Variants in CWF19L2 observed in about 807,000 individuals in gnomAD.
CWF19L2 encodes the protein CWF19-like protein 2.
In CWF19L2, 98 loss-of-function variants were observed where a neutral mutation model predicts 111.7. The observed-to-expected ratio is 0.88, with a 90% CI of 0.75 to 1.04. The LOEUF (loss-of-function observed/expected upper bound fraction) is 1.04. CWF19L2 is among the 50% of genes least tolerant of loss of function. The pLI, the probability that CWF19L2 is intolerant of heterozygous loss-of-function variation, is 0.00. For missense variants in CWF19L2, 1,101 were observed against 1,051.4 expected (o/e 1.05, Z -0.65); for synonymous variants, 351 against 342.9 (o/e 1.02, Z -0.26).
At chr11:107,394,106 A>G (rs1860887831) in intron 10 of CWF19L2, among the ~76,000 whole-genome samples, 1 of 152,208 alleles carries the variant, frequency 6.6e-6, no homozygotes. Flanking sequence ...AAATATTCAC[A>G]TTATAGTTTT....
rs536217905 is a variant in CWF19L2, at chr11:107,362,415, A to G, written c.1873-8679T>C. Among the ~76,000 whole-genome samples, 125 of 152,112 alleles carry G rather than the reference A, an allele frequency of 8.2e-4. 2 individuals carry two copies. In the Middle Eastern group the frequency reaches 0.031, roughly 37 times the overall value. On this transcript the variant is annotated intron_variant, in intron 12 of 17. Coordinates refer to ENST00000282251, the MANE Select transcript of CWF19L2 (RefSeq NM_152434.3). Reference sequence around the variant, plus strand: ...GACAGCAGTAACCTCTGCAGACTTAAATGTCCCTGTCTGACAGCTTTGAAG... The same window carrying G: ...GACAGCAGTAACCTCTGCAGACTTAGATGTCCCTGTCTGACAGCTTTGAAG...
chr11:107,391,820 T>C (rs377365192), intron 11 of CWF19L2, among the ~76,000 whole-genome samples: 1 of 152,316 alleles, frequency 6.6e-6, no homozygotes, highest in Non-Finnish European at 1.5e-5. Context: ...AATCACCCCC[T>C]GGCTCCAGAC....
intron 10 of CWF19L2, 47 bp downstream of exon 10, chr11:107,416,162 G>T: frequency 4.3e-6 from 2 of 470,564 alleles, no homozygotes; most frequent in Admixed American, 4.9e-5. Flanking sequence ...ACTGCCCGGT[G>T]GTAGTTTACA....
chr11:107,402,873 G>GTGTATATA (rs1247886311), intron 10 of CWF19L2, among the ~76,000 whole-genome samples: 11 of 94,456 alleles, frequency 1.2e-4, no homozygotes, highest in South Asian at 6.1e-4. Context: ...ACTGTGGTGT[G>GTGTATATA]TATATATATA....
chr11:107,392,846 CT>C lies in CWF19L2; in HGVS notation c.1666del (p.Arg556GlufsTer5). Reference sequence around the variant, plus strand: ...TCCGGGTGTGTTCACAGGCCATACTCTTCCAGACTGATCTGTTCTGACAAGG... The same window carrying C: ...TCCGGGTGTGTTCACAGGCCATACTCTCCAGACTGATCTGTTCTGACAAGG... ...VILVRTDQSG[R>X]VWPVNTPGKS... On this transcript the variant is annotated frameshift_variant, in exon 11 of 18. Transcript: ENST00000282251. LOFTEE classifies it high-confidence loss of function. 6.3e-7 allele frequency: 1 copy of C among 1,590,312 alleles called. No homozygotes were observed. The highest frequency in any genetic ancestry group is 2.3e-5 in the East Asian group (1 of 43,266).
intron 12 of CWF19L2, among the ~76,000 whole-genome samples, chr11:107,387,176 C>T (rs1223613830): frequency 2.0e-5 from 3 of 152,084 alleles, no homozygotes; most frequent in East Asian, 3.9e-4. Flanking sequence ...ACATCCATAA[C>T]AGTATTCTTG....
intron 14 of CWF19L2, among the ~76,000 whole-genome samples, chr11:107,338,153 T>C (rs1859955150): frequency 6.6e-6 from 1 of 152,094 alleles, no homozygotes; most frequent in Non-Finnish European, 1.5e-5. Context: ...CACTACAACC[T>C]CGTCGTACTC....
At chr11:107,433,956 A>C (rs1263304464) in intron 6 of CWF19L2, among the ~76,000 whole-genome samples, 1 of 144,406 alleles carries the variant, frequency 6.9e-6, no homozygotes, top group Non-Finnish European at 1.5e-5. Context: ...GAGTTTTGCC[A>C]CTAGAAAGAA....
chr11:107,412,788 T>G (rs956270121), intron 10 of CWF19L2, among the ~76,000 whole-genome samples: 1 of 152,162 alleles, frequency 6.6e-6, no homozygotes, highest in Admixed American at 6.5e-5. Flanking sequence ...CTACAGACCA[T>G]GAAATATTAT....
chr11:107,428,563 A>G (rs1405893407), intron 8 of CWF19L2, among the ~76,000 whole-genome samples: 1 of 151,368 alleles, frequency 6.6e-6, no homozygotes, highest in African/African-American at 2.4e-5. Context: ...CAAAGCAGCA[A>G]CATATTTTGA....
chr11:107,339,079 G>GT (rs1238064256), intron 14 of CWF19L2, among the ~76,000 whole-genome samples: 1 of 152,080 alleles, frequency 6.6e-6, no homozygotes, highest in East Asian at 1.9e-4. Flanking sequence ...AGCATCTGTT[G>GT]TTTTTTGACT....
chr11:107,326,906 C>T lies in CWF19L2; in HGVS notation c.*4G>A. On this transcript the variant is annotated 3_prime_UTR_variant, in exon 18 of 18. Coordinates refer to ENST00000282251, the MANE Select transcript of CWF19L2 (RefSeq NM_152434.3). ...AAGAAAAATTTTAAAATGGAAGGTACACCTCAATAGTTTTTACTTTTGGTG... is the reference window on the plus strand; with the variant it reads ...AAGAAAAATTTTAAAATGGAAGGTATACCTCAATAGTTTTTACTTTTGGTG... The T allele has an allele frequency of 2.5e-6, 4 of 1,583,406 alleles. No individual in the cohort carries two copies. Among genetic ancestry groups the T allele is most frequent in the Non-Finnish European group, 3.4e-6 (4 of 1,169,420 alleles).
At chr11:107,388,249 C>T (rs941076423) in intron 12 of CWF19L2, among the ~76,000 whole-genome samples, 1 of 152,206 alleles carries the variant, frequency 6.6e-6, no homozygotes, top group Non-Finnish European at 1.5e-5. Flanking sequence ...TATTTGTTCA[C>T]TTTCTCATCC....
chr11:107,396,165 A>G (rs1428049950), intron 10 of CWF19L2, among the ~76,000 whole-genome samples: 1 of 152,226 alleles, frequency 6.6e-6, no homozygotes, highest in Non-Finnish European at 1.5e-5. Context: ...TACACAGAAA[A>G]TATGCAAAAA....
intron 10 of CWF19L2, among the ~76,000 whole-genome samples, chr11:107,399,592 T>C (rs1860971841): frequency 6.6e-6 from 1 of 152,006 alleles, no homozygotes; most frequent in African/African-American, 2.4e-5. Flanking sequence ...CCTAAGAAAT[T>C]AGATAGACAG....
chr11:107,339,964 A>G (rs757476739), intron 14 of CWF19L2, among the ~76,000 whole-genome samples: 1 of 152,146 alleles, frequency 6.6e-6, no homozygotes, highest in Admixed American at 6.6e-5. Context: ...CACTGCGCTC[A>G]GCCAATTTCC....
intron 3 of CWF19L2, among the ~76,000 whole-genome samples, chr11:107,447,188 C>T (rs530078584): frequency 6.6e-6 from 1 of 152,254 alleles, no homozygotes; most frequent in East Asian, 1.9e-4. Context: ...AAGGCACTTT[C>T]TAGACTGTGG....
At chr11:107,432,946 A>G (rs554055340) in intron 7 of CWF19L2, among the ~76,000 whole-genome samples, 2 of 152,340 alleles carry the variant, frequency 1.3e-5, no homozygotes, top group Non-Finnish European at 2.9e-5. Flanking sequence ...GGAAAAGCCT[A>G]TAAATATATT....
intron 10 of CWF19L2, 148 bp from the exon 11 acceptor site, chr11:107,393,043 A>G (rs978129791): frequency 8.3e-5 from 41 of 492,666 alleles, no homozygotes; most frequent in African/African-American, 7.7e-4. Context: ...ATTACTCTCT[A>G]TACTATAAAA....
Sources: allele counts gnomAD v4.1 joint callset (sites outside exome capture counted in the v4.1 genomes callset), GRCh38; gene constraint gnomAD v4.1.1; transcripts MANE v1.5; gene names NCBI Gene and HGNC (gene_info 2026-07-23, HGNC 2026-07-21).